The following CHD5 variants were observed in gnomAD, a reference collection of about 807,000 sequenced individuals.
CHD5 encodes chromodomain helicase DNA binding protein 5.
Under a neutral mutation model 230.3 loss-of-function variants are expected in CHD5, and 69 were observed. The observed-to-expected ratio is 0.30, with a 90% confidence interval of 0.25 to 0.37. The LOEUF (loss-of-function observed/expected upper bound fraction) is 0.37. CHD5 is among the 10% of genes least tolerant of loss of function. CHD5 has a pLI of 1.00. For missense variants in CHD5, 1,827 were observed against 2,622.8 expected (o/e 0.70, Z 6.63); for synonymous variants, 1,064 against 1,065.9 (o/e 1.00, Z 0.03).
Position 6,134,207 on chromosome 1 carries a change from G to C in CHD5, c.3065C>G (p.Ser1022Cys), listed in dbSNP as rs1666702869. The change falls in exon 20 of 42, where the codon TCT (serine) becomes TGT (cysteine). Residue 1022 changes from serine (S) to cysteine (C), a missense_variant. This residue lies in a region of CHD5 where 38 missense variants were observed against 49.5 expected (regional missense o/e 0.77). Coordinates refer to ENST00000262450, the MANE Select transcript of CHD5 (RefSeq NM_015557.3). This position sits in a 1 kb window ranked among gnomAD's most constrained non-coding sequence, Gnocchi z 6.3. ...CTGTAGCAGCATGAGCTTCCCTGAAGACTTGACCAGGGAGCTTCCATCGTA... is the reference window on the plus strand; with the variant it reads ...CTGTAGCAGCATGAGCTTCCCTGAACACTTGACCAGGGAGCTTCCATCGTA... ...GSYDGSSLVK[S>C]SGKLMLLQKM... is the part of the protein sequence containing the mutation. 1.2e-6 allele frequency: 2 copies of C among 1,613,712 alleles called. No homozygotes were observed. Among genetic ancestry groups the C allele is most frequent in the Admixed American group, 1.7e-5 (1 of 59,996 alleles).
rs550946925 is a variant in CHD5 at position 6,134,400 on chromosome 1, G to T, written c.3013-141C>A. 3 of 1,096,072 alleles carry T rather than the reference G, an allele frequency of 2.7e-6. No homozygotes were observed. Among genetic ancestry groups the T allele is most frequent in the Non-Finnish European group, 3.9e-6 (3 of 760,214 alleles). 67.9% of individuals were successfully genotyped at this position (1,096,072 alleles called of 1,614,324 possible). On this transcript the variant is annotated intron_variant, in intron 19 of 41. Transcript: ENST00000262450. This position sits in a 1 kb window ranked among gnomAD's most constrained non-coding sequence, Gnocchi z 6.3. ...CCCACTGAACATGAGACCCACACCC[G>T]AGCCAGGCCAGGCCCCACAGTGCGG...
chr1:6,139,766 T>C lies in CHD5; in HGVS notation c.2436+2362A>G, dbSNP rs575661342. Among the ~76,000 whole-genome samples, 12 of 152,282 alleles carry C rather than the reference T, an allele frequency of 7.9e-5. 1 individual carries two copies. The highest frequency in any genetic ancestry group is 2.4e-4 in the African/African-American group (10 of 41,542). On this transcript the variant is annotated intron_variant, in intron 15 of 41. Transcript: ENST00000262450. ...GATGGTAAGTTTTACATTATGTGTATTTTACCACAACTCTTAACAATAAAA... is the reference window on the plus strand; with the variant it reads ...GATGGTAAGTTTTACATTATGTGTACTTTACCACAACTCTTAACAATAAAA...
In CHD5 at chr1:6,125,439, C is replaced by G. The variant is rs574087377; in HGVS notation, c.4260+85G>C. ...CTCCGCCTCTACCTGGCATGAGACC[C>G]GGGGCAGTCCCCCAGCCCTCCTCCA... On this transcript the variant is annotated intron_variant, in intron 28 of 41. Transcript: ENST00000262450. The surrounding 1 kb of genome is among the most constrained non-coding windows in gnomAD (Gnocchi z 6.7). 1.3e-5 allele frequency: 18 copies of G among 1,418,316 alleles called. No homozygotes were observed. The African/African-American group carries it at 2.3e-4, about 18-fold the overall frequency. The allele number at this position is 1,418,316 out of a possible 1,614,324, so 87.9% of individuals were successfully genotyped here.
rs1666716129 is a variant in CHD5 at position 6,134,937 on chromosome 1, G to A, written c.2871-78C>T. Reference sequence around the variant, plus strand: ...GCTCTCTCTGCTCTGCAGTGGGGCTGGAAGCTGGTGGCCAAGCACCCATTT... The same window carrying A: ...GCTCTCTCTGCTCTGCAGTGGGGCTAGAAGCTGGTGGCCAAGCACCCATTT... On this transcript the variant is annotated intron_variant, in intron 18 of 41. Coordinates refer to ENST00000262450, the MANE Select transcript of CHD5 (RefSeq NM_015557.3). This position sits in a 1 kb window ranked among gnomAD's most constrained non-coding sequence, Gnocchi z 6.3. 3.2e-6 allele frequency: 5 copies of A among 1,569,222 alleles called. No homozygotes were observed. Among genetic ancestry groups the A allele is most frequent in the East Asian group, 4.5e-5 (2 of 44,624 alleles).
rs1329899149 is a variant in CHD5 at position 6,128,590 on chromosome 1, C to A, written c.3639G>T (p.Gln1213His). 6.2e-7 allele frequency: 1 copy of A among 1,613,876 alleles called. No homozygotes were observed. The highest frequency in any genetic ancestry group is 8.5e-7 in the Non-Finnish European group (1 of 1,179,786). ...DDVEGMMSQGQRPVTPIPDVQ... is the reference protein window; with the variant it reads ...DDVEGMMSQGHRPVTPIPDVQ... ...CATCAGGGATGGGTGTGACCGGCCT[C>A]TGGCCCTGAGACATCATGCCTGTCA... The change falls in exon 24 of 42, where the codon CAG becomes CAT. Residue 1213 changes from glutamine (Q) to histidine (H), a missense_variant. Transcript: ENST00000262450. This position sits in a 1 kb window ranked among gnomAD's most constrained non-coding sequence, Gnocchi z 7.8.
At position 6,112,916 on chromosome 1, in the gene CHD5, G is replaced by T. The variant is rs199820087; in HGVS notation, c.4995C>A (p.Leu1665=). 1 of 1,613,138 alleles carries T rather than the reference G, an allele frequency of 6.2e-7. No individual in the cohort carries two copies. The highest frequency in any genetic ancestry group is 1.3e-5 in the African/African-American group (1 of 75,036). Residue 1665 remains leucine (L), a synonymous_variant, in exon 34 of 42, where the codon CTC becomes CTA. Coordinates refer to ENST00000262450, the MANE Select transcript of CHD5 (RefSeq NM_015557.3). The part of the protein sequence containing the change: ...LIHSRGDSSE[L]RPDDTKAEEK... ...CACAGAAGAGCCCCAGACCTGGCCT[G>T]AGTTCGGAACTGTCCCCTCTGCTGT...
intron 36 of CHD5, 29 bp from the exon 37 acceptor site, chr1:6,110,555 T>C (rs1237641750): frequency 7.1e-7 from 1 of 1,407,286 alleles, no homozygotes; most frequent in Non-Finnish European, 9.5e-7. Context: ...AGGGCAAACC[T>C]GGCCGTTAGA....
In CHD5 at chr1:6,121,218, T is replaced by C. The variant is rs1156906773; in HGVS notation, c.4799A>G (p.Asp1600Gly). The C allele has an allele frequency of 6.2e-7, 1 of 1,611,874 alleles. No homozygotes were observed. The highest frequency in any genetic ancestry group is 1.3e-5 in the African/African-American group (1 of 74,562). Reference sequence around the variant, plus strand: ...GTGCTTGTCCTCACTCTCCACTCTATCCAAGGCGGCTGGAAGGGCCTGCAG... The same window carrying C: ...GTGCTTGTCCTCACTCTCCACTCTACCCAAGGCGGCTGGAAGGGCCTGCAG... ...LEVQALPAAL[D>G]RVESEDKHES... is the part of the protein sequence containing the mutation. The change falls in exon 33 of 42, where the codon GAT becomes GGT. Residue 1600 changes from aspartate to glycine, a missense_variant. By Grantham distance (94) the Asp-to-Gly change is moderately conservative. This residue lies in a region of CHD5 where 272 missense variants were observed against 263.2 expected (regional missense o/e 1.03). Coordinates refer to ENST00000262450, the MANE Select transcript of CHD5 (RefSeq NM_015557.3). This position sits in a 1 kb window ranked among gnomAD's most constrained non-coding sequence, Gnocchi z 4.5.
In CHD5 at chr1:6,126,824, C is replaced by A; in HGVS notation, c.3904-78G>T. On this transcript the variant is annotated intron_variant, in intron 25 of 41. Transcript: ENST00000262450. This position sits in a 1 kb window ranked among gnomAD's most constrained non-coding sequence, Gnocchi z 5.7. ...GAAGCCTCAGGCTGCCTCCACCTGA[C>A]CTGCCCTTTGCCCCCTCAGGGCTCA... 5.7e-6 allele frequency: 8 copies of A among 1,396,968 alleles called. No homozygotes were observed. The highest frequency in any genetic ancestry group is 7.9e-6 in the Non-Finnish European group (8 of 1,009,006). 86.5% of individuals were successfully genotyped at this position (1,396,968 alleles called of 1,614,324 possible). A position where few individuals can be genotyped will look rare whatever the true frequency, so the allele number is the denominator to read the frequency against.
At chr1:6,141,925 C>A (rs975778866) in intron 15 of CHD5, among the ~76,000 whole-genome samples, 8 of 152,158 alleles carry the variant, frequency 5.3e-5, no homozygotes, top group Non-Finnish European at 1.0e-4. Flanking sequence ...CTGTTTGAAG[C>A]CACTCCATTT....
At position 6,150,215 on chromosome 1, in the gene CHD5, T is replaced by C. The variant is rs573143523; in HGVS notation, c.995-803A>G. Among the ~76,000 whole-genome samples, 9 of 139,712 alleles carry C rather than the reference T, an allele frequency of 6.4e-5. No individual in the cohort carries two copies. In the East Asian group the frequency reaches 2.1e-3, roughly 32 times the overall value. The allele number at this position is 139,712 out of a possible 152,430, so 91.7% of individuals were successfully genotyped here. On this transcript the variant is annotated intron_variant, in intron 7 of 41. Transcript: ENST00000262450. ...AGTGGTAGATGGATGGATGAACCAATGAATGGATAATGGATGGACAAATGA... is the reference window on the plus strand; with the variant it reads ...AGTGGTAGATGGATGGATGAACCAACGAATGGATAATGGATGGACAAATGA...
At position 6,148,966 on chromosome 1, in the gene CHD5, T is replaced by C. The variant is rs765007504; in HGVS notation, c.1271A>G (p.Asp424Gly). The part of the protein sequence containing the change: ...DHMEFCRVCK[D>G]GGELLCCDAC... ...GTCGCAGCAGAGCAGCTCGCCCCCGTCCTTGCACACGCGGCAGAACTCCAT... is the reference window on the plus strand; with the variant it reads ...GTCGCAGCAGAGCAGCTCGCCCCCGCCCTTGCACACGCGGCAGAACTCCAT... The change falls in exon 9 of 42, where the codon GAC becomes GGC. Residue 424 changes from aspartate (D) to glycine (G), a missense_variant. Asp to Gly is a moderately conservative substitution (Grantham distance 94). Transcript: ENST00000262450. 5 of 1,606,612 alleles carry C rather than the reference T, an allele frequency of 3.1e-6. No homozygotes were observed. The highest frequency in any genetic ancestry group is 4.2e-6 in the Non-Finnish European group (5 of 1,176,780).
chr1:6,146,327 C>T lies in CHD5; in HGVS notation c.1687G>A (p.Gly563Ser), dbSNP rs150733401. The T allele has an allele frequency of 1.7e-5, 28 of 1,614,154 alleles. No homozygotes were observed. The highest frequency in any genetic ancestry group is 5.0e-5 in the Admixed American group (3 of 60,022). ...TTGTTCTTCCTCTTCTCGCTCTTGC[C>T]GTCTTCATCCCCAGAGCCGTAGTCA... ...PFDYGSGDED[G>S]KSEKRKNKDP... The change falls in exon 11 of 42, where the codon GGC (glycine) becomes AGC (serine). Residue 563 changes from glycine (G) to serine (S), a missense_variant. This residue lies in a region of CHD5 where 657 missense variants were observed against 816.4 expected (regional missense o/e 0.80). Coordinates refer to ENST00000262450, the MANE Select transcript of CHD5 (RefSeq NM_015557.3). This position sits in a 1 kb window ranked among gnomAD's most constrained non-coding sequence, Gnocchi z 5.1.
At chr1:6,148,504 C>T (rs1449356562) in intron 9 of CHD5, among the ~76,000 whole-genome samples, 1 of 152,184 alleles carries the variant, frequency 6.6e-6, no homozygotes, top group African/African-American at 2.4e-5. Flanking sequence ...ATGCCTGGTG[C>T]CAGAATACTC....
At chr1:6,173,514 G>A (rs1296446877) in intron 1 of CHD5, among the ~76,000 whole-genome samples, 2 of 152,098 alleles carry the variant, frequency 1.3e-5, no homozygotes, top group African/African-American at 4.8e-5. Flanking sequence ...GAGGCTTCAA[G>A]CTACCCCTCC....
chr1:6,133,789 C>G lies in CHD5; in HGVS notation c.3144+339G>C, dbSNP rs145269306. Among the ~76,000 whole-genome samples, 189 of 152,350 alleles carry G rather than the reference C, an allele frequency of 1.2e-3. 2 individuals carry two copies. The East Asian group carries it at 0.03, about 25-fold the overall frequency. ...CCTCAGGGCCTATTGGAGAGAGGGG[C>G]TCCTCCCAACCACACCCCAGGGCCC... On this transcript the variant is annotated intron_variant, in intron 20 of 41. Coordinates refer to ENST00000262450, the MANE Select transcript of CHD5 (RefSeq NM_015557.3).
At chr1:6,106,573 C>T (rs1416592213) in intron 39 of CHD5, 43 bp downstream of exon 39, 2 of 1,550,686 alleles carry the variant, frequency 1.3e-6, no homozygotes, top group African/African-American at 1.4e-5. Context: ...CACCCAGGGG[C>T]ACGCCAGGGG....
At chr1:6,179,752 C>G (rs1485365779) in intron 1 of CHD5, among the ~76,000 whole-genome samples, 193 bp downstream of exon 1, 1 of 147,140 alleles carries the variant, frequency 6.8e-6, no homozygotes, top group Non-Finnish European at 1.5e-5. Context: ...CACGCCGGCC[C>G]GGGCGCTCAC....
chr1:6,156,065 C>G (rs1474738851), intron 3 of CHD5, among the ~76,000 whole-genome samples: 1 of 152,218 alleles, frequency 6.6e-6, no homozygotes, highest in Admixed American at 6.5e-5. Flanking sequence ...GGCCCCCATC[C>G]TGAGATAGGG....
Sources: allele counts gnomAD v4.1 joint callset (sites outside exome capture counted in the v4.1 genomes callset), GRCh38; gene constraint gnomAD v4.1.1; regional missense constraint gnomAD v4.1.1; non-coding constraint Gnocchi (gnomAD v3.1); transcripts MANE v1.5; gene names NCBI Gene and HGNC (gene_info 2026-07-23, HGNC 2026-07-21).